The following LRP1B variants were observed in gnomAD, a reference collection of about 807,000 sequenced individuals.
LRP1B encodes low-density lipoprotein receptor-related protein 1B.
In LRP1B, 217 loss-of-function variants were observed where a neutral mutation model predicts 556.6. That is an observed-to-expected ratio of 0.39 (90% confidence interval 0.35 to 0.44). The LOEUF is 0.44. Ranked by LOEUF, LRP1B falls within the 20% of genes least tolerant of loss-of-function variation. The probability of loss-of-function intolerance (pLI) is 1.00; values close to 1 mark genes in which losing one functional copy is unlikely to be tolerated. For synonymous variants in LRP1B, 2,047 were observed against 1,865.8 expected (o/e 1.10, Z -2.50); for missense variants, 5,053 against 5,620.8 (o/e 0.90, Z 3.23).
chr2:141,720,149 A>G (rs1261206488), intron 2 of LRP1B, among the ~76,000 whole-genome samples: 1 of 152,122 alleles, frequency 6.6e-6, no homozygotes, highest in Admixed American at 6.5e-5. Context: ...ACCTCTATTA[A>G]AAGGAATTGT....
In LRP1B at chr2:140,334,543, C is replaced by T. The variant is rs2105083513; in HGVS notation, c.12133G>A (p.Val4045Ile). 6.3e-7 allele frequency: 1 copy of T among 1,588,108 alleles called. No homozygotes were observed. Among genetic ancestry groups the T allele is most frequent in the African/African-American group, 1.4e-5 (1 of 73,612 alleles). ...TCTATATGGGAATGATCCCCAACAA[C>T]AGTCCAGTACATCATCCTGAAGAGA... The part of the protein sequence containing the change: ...NPKRGMMYWT[V>I]VGDHSHIEEA... Residue 4045 changes from valine to isoleucine, a missense_variant, in exon 79 of 91, where the codon GTT becomes ATT. By Grantham distance (29) the Val-to-Ile change is conservative. Coordinates refer to ENST00000389484, the MANE Select transcript of LRP1B (RefSeq NM_018557.3).
intron 59 of LRP1B, among the ~76,000 whole-genome samples, chr2:140,484,184 A>G (rs1343232300): frequency 6.6e-6 from 1 of 152,214 alleles, no homozygotes; most frequent in African/African-American, 2.4e-5. Context: ...TATATAGTGA[A>G]AAGTTAAAAT....
At chr2:141,804,635 G>T (rs998903688) in intron 2 of LRP1B, among the ~76,000 whole-genome samples, 1 of 151,982 alleles carries the variant, frequency 6.6e-6, no homozygotes, top group African/African-American at 2.4e-5. Flanking sequence ...AGGATCGACC[G>T]AGAGGGGGCA....
At chr2:141,102,065 A>G (rs1400139359) in intron 7 of LRP1B, among the ~76,000 whole-genome samples, 1 of 152,158 alleles carries the variant, frequency 6.6e-6, no homozygotes, top group East Asian at 1.9e-4. Context: ...GAATGTATAT[A>G]GAAATCAAAG....
chr2:140,343,130 G>T (rs1449648338), intron 77 of LRP1B, among the ~76,000 whole-genome samples: 2 of 151,352 alleles, frequency 1.3e-5, no homozygotes, highest in African/African-American at 4.8e-5. Context: ...ATCAAAATAA[G>T]ACCCTTGGAA....
At chr2:141,115,570 C>A (rs1324516198) in intron 7 of LRP1B, among the ~76,000 whole-genome samples, 1 of 150,518 alleles carries the variant, frequency 6.6e-6, no homozygotes, top group Non-Finnish European at 1.5e-5. Context: ...CATTCTCCTG[C>A]CTCAGCCTAC....
At chr2:140,744,215 T>TTGCATTGATATACATATACCATC (rs1688244971) in intron 35 of LRP1B, among the ~76,000 whole-genome samples, 1 of 152,118 alleles carries the variant, frequency 6.6e-6, no homozygotes, top group African/African-American at 2.4e-5. Context: ...CATATACCAT[T>TTGCATTGATATACATATACCATC]GCATTGCATT....
intron 41 of LRP1B, among the ~76,000 whole-genome samples, chr2:140,616,103 T>G (rs1349919243): frequency 7.0e-6 from 1 of 142,056 alleles, no homozygotes; most frequent in African/African-American, 2.5e-5. Context: ...CCCATAAAGT[T>G]ACTAAAAAAA....
intron 32 of LRP1B, among the ~76,000 whole-genome samples, chr2:140,794,478 A>AACAC (rs6146938): frequency 0.022 from 3,285 of 149,944 alleles, 85 homozygotes; most frequent in Admixed American, 0.075. Flanking sequence ...AGCTATTTAA[A>AACAC]ACACACACAC....
intron 25 of LRP1B, among the ~76,000 whole-genome samples, chr2:140,876,705 A>G (rs554363869): frequency 2.0e-5 from 3 of 152,342 alleles, no homozygotes; most frequent in South Asian, 2.1e-4. Flanking sequence ...ATTTGATAGT[A>G]CAAATCCATG....
chr2:142,125,053 AGAGT>A (rs1574712283), intron 1 of LRP1B, among the ~76,000 whole-genome samples: 1 of 151,954 alleles, frequency 6.6e-6, no homozygotes, highest in East Asian at 1.9e-4. Context: ...AGAGATGGAG[AGAGT>A]GAGACTGACT....
chr2:140,716,579 A>G, intron 36 of LRP1B, 103 bp downstream of exon 36: 1 of 1,187,138 alleles, frequency 8.4e-7, no homozygotes, highest in Non-Finnish European at 1.2e-6. Flanking sequence ...CTAGAAGTAC[A>G]AATAAAAGCA....
chr2:140,283,998 T>C (rs897262248), intron 84 of LRP1B, among the ~76,000 whole-genome samples: 4 of 151,538 alleles, frequency 2.6e-5, no homozygotes, highest in African/African-American at 9.7e-5. Context: ...TGAATAAGCA[T>C]ATGAAGGCCT....
intron 41 of LRP1B, 38 bp downstream of exon 41, chr2:140,700,212 T>C (rs780970314): frequency 1.5e-5 from 23 of 1,535,138 alleles, no homozygotes; most frequent in Non-Finnish European, 9.8e-6. Flanking sequence ...TAAATGATAC[T>C]CATTTCCACC....
chr2:141,026,170 T>C (rs573403950), intron 11 of LRP1B, among the ~76,000 whole-genome samples: 1 of 152,128 alleles, frequency 6.6e-6, no homozygotes, highest in Non-Finnish European at 1.5e-5. Flanking sequence ...TTATAATTTA[T>C]AAAAGTAAAA....
intron 3 of LRP1B, among the ~76,000 whole-genome samples, chr2:141,318,916 A>T (rs1356276260): frequency 6.6e-6 from 1 of 152,106 alleles, no homozygotes; most frequent in Non-Finnish European, 1.5e-5. Flanking sequence ...GGATAAATTT[A>T]TATTCATTAG....
At chr2:142,027,479 T>C (rs2105188697) in intron 1 of LRP1B, among the ~76,000 whole-genome samples, 1 of 151,980 alleles carries the variant, frequency 6.6e-6, no homozygotes, top group Non-Finnish European at 1.5e-5. Context: ...TACCTTTCTC[T>C]ATCAAGAGAA....
chr2:140,528,229 G>C (rs1690524720), intron 47 of LRP1B, among the ~76,000 whole-genome samples: 1 of 151,910 alleles, frequency 6.6e-6, no homozygotes, highest in African/African-American at 2.4e-5. Flanking sequence ...TGGTAGTTCT[G>C]AGGTAACAGA....
At chr2:140,563,820 A>C (rs1681025658) in intron 43 of LRP1B, among the ~76,000 whole-genome samples, 1 of 152,190 alleles carries the variant, frequency 6.6e-6, no homozygotes, top group Non-Finnish European at 1.5e-5. Context: ...TAAATGAAGA[A>C]CTACATACTT....
Sources: allele counts gnomAD v4.1 joint callset (sites outside exome capture counted in the v4.1 genomes callset), GRCh38; gene constraint gnomAD v4.1.1; transcripts MANE v1.5; gene names NCBI Gene and HGNC (gene_info 2026-07-23, HGNC 2026-07-21).